The following THSD7A variants were observed in gnomAD, a reference collection of about 807,000 sequenced individuals.
The protein encoded by THSD7A is thrombospondin type-1 domain-containing protein 7A.
THSD7A carries 96 observed loss-of-function variants against 231.3 expected under a neutral mutation model. That is an observed-to-expected ratio of 0.41 (90% CI 0.35 to 0.49). The LOEUF (loss-of-function observed/expected upper bound fraction) is 0.49, where lower values mean the gene tolerates loss of function less well. THSD7A is among the 20% of genes least tolerant of loss of function. THSD7A has a pLI of 0.05. For synonymous variants in THSD7A, 940 were observed against 743.3 expected (o/e 1.26, Z -4.30); for missense variants, 2,290 against 2,070.2 (o/e 1.11, Z -2.06).
At chr7:11,652,212 A>C (rs1390089075) in intron 1 of THSD7A, among the ~76,000 whole-genome samples, 3 of 151,902 alleles carry the variant, frequency 2.0e-5, no homozygotes, top group African/African-American at 7.2e-5. Flanking sequence ...CTTTATCCTA[A>C]AGTTGTACAG....
chr7:11,533,942 T>C (rs548953299), intron 6 of THSD7A, among the ~76,000 whole-genome samples: 9 of 152,218 alleles, frequency 5.9e-5, no homozygotes, highest in Non-Finnish European at 1.3e-4. Flanking sequence ...CCTGTTTTTC[T>C]CATTTTTGAA....
intron 23 of THSD7A, among the ~76,000 whole-genome samples, chr7:11,397,957 G>A (rs2115348189): frequency 6.6e-6 from 1 of 152,300 alleles, no homozygotes; most frequent in East Asian, 1.9e-4. Context: ...TGGTGGGACT[G>A]TAAATTAGTT....
chr7:11,445,840 C>G (rs1423132411), intron 13 of THSD7A, among the ~76,000 whole-genome samples: 1 of 151,956 alleles, frequency 6.6e-6, no homozygotes, highest in Non-Finnish European at 1.5e-5. Flanking sequence ...ATCAGGCTTC[C>G]TGTCATTATC....
At chr7:11,828,800 T>C (rs1229090368) in intron 1 of THSD7A, among the ~76,000 whole-genome samples, 1 of 152,158 alleles carries the variant, frequency 6.6e-6, no homozygotes, top group Non-Finnish European at 1.5e-5. Context: ...ATATTATATG[T>C]ATACACACAT....
At chr7:11,602,260 A>C (rs1780577826) in intron 2 of THSD7A, among the ~76,000 whole-genome samples, 1 of 152,124 alleles carries the variant, frequency 6.6e-6, no homozygotes, top group South Asian at 2.1e-4. Context: ...ATGATTATAT[A>C]GTTTACATAT....
intron 1 of THSD7A, among the ~76,000 whole-genome samples, chr7:11,762,102 T>G (rs1782882266): frequency 2.0e-5 from 3 of 152,184 alleles, no homozygotes; most frequent in Admixed American, 2.0e-4. Context: ...TATCGCTGCA[T>G]AGTATTCCAT....
intron 1 of THSD7A, among the ~76,000 whole-genome samples, chr7:11,668,642 A>G (rs993016058): frequency 8.5e-5 from 13 of 152,218 alleles, no homozygotes; most frequent in Non-Finnish European, 1.5e-4. Flanking sequence ...GTGAACATGT[A>G]TAAGACACAA....
intron 6 of THSD7A, among the ~76,000 whole-genome samples, chr7:11,534,013 A>G (rs1788813948): frequency 6.6e-6 from 1 of 152,168 alleles, no homozygotes; most frequent in Admixed American, 6.5e-5. Flanking sequence ...GAAGGGAATT[A>G]GTGGAAGATA....
intron 6 of THSD7A, among the ~76,000 whole-genome samples, chr7:11,533,547 G>A (rs1788791892): frequency 6.6e-6 from 1 of 152,114 alleles, no homozygotes; most frequent in Non-Finnish European, 1.5e-5. Context: ...ATACACCATG[G>A]GATACTGCAG....
At chr7:11,786,759 T>TAAAAAAAAAA (rs58923353) in intron 1 of THSD7A, among the ~76,000 whole-genome samples, 2 of 108,650 alleles carry the variant, frequency 1.8e-5, no homozygotes, top group Non-Finnish European at 4.0e-5. Flanking sequence ...AGTATAATAA[T>TAAAAAAAAAA]AAAAAAAAAA....
rs1274004170 is a variant in THSD7A at position 11,831,732 on chromosome 7, GAA to G, written c.190+23_190+24del. 7.2e-7 allele frequency: 1 copy of G among 1,388,270 alleles called. No homozygotes were observed. The highest frequency in any genetic ancestry group is 1.5e-5 in the African/African-American group (1 of 67,088). The allele number at this position is 1,388,270 out of a possible 1,614,324, so 86.0% of individuals were successfully genotyped here. A position where few individuals can be genotyped will look rare whatever the true frequency, so the allele number is the denominator to read the frequency against. On this transcript the variant is annotated intron_variant, in intron 1 of 27. Coordinates refer to ENST00000423059, the MANE Select transcript of THSD7A (RefSeq NM_015204.3). The surrounding 1 kb of genome is among the most constrained non-coding windows in gnomAD (Gnocchi z 5.0). ...ATGTGGCCCCAGATGTGAAGATGGG[GAA>G]AGGGTAACTCCGTCCCACTTACCAG...
intron 1 of THSD7A, among the ~76,000 whole-genome samples, chr7:11,779,459 C>T (rs1476146801): frequency 6.6e-6 from 1 of 152,124 alleles, no homozygotes; most frequent in Non-Finnish European, 1.5e-5. Context: ...TCTGACATAT[C>T]AAGGTCATAG....
At chr7:11,552,896 C>T (rs1169604669) in intron 4 of THSD7A, among the ~76,000 whole-genome samples, 1 of 152,064 alleles carries the variant, frequency 6.6e-6, no homozygotes, top group Non-Finnish European at 1.5e-5. Context: ...AAATCAGACA[C>T]CGCCTCCTCA....
Position 11,382,528 on chromosome 7 carries a change from A to T in THSD7A, c.4500T>A (p.Asn1500Lys). The change falls in exon 24 of 28, where the codon AAT becomes AAA. Residue 1500 changes from asparagine (N) to lysine (K), a missense_variant. Asn to Lys is a moderately conservative substitution (Grantham distance 94). Coordinates refer to ENST00000423059, the MANE Select transcript of THSD7A (RefSeq NM_015204.3). ...TVWCQRSDGI[N>K]VTGGCLVMSQ... ...GAGAAACTGGAGGTTTACCTGTTAC[A>T]TTTATACCATCTGACCTTTGACACC... The T allele has an allele frequency of 6.2e-7, 1 of 1,612,032 alleles. No individual in the cohort carries two copies.
intron 1 of THSD7A, among the ~76,000 whole-genome samples, chr7:11,710,946 G>C (rs1046454658): frequency 4.0e-5 from 6 of 150,770 alleles, no homozygotes; most frequent in African/African-American, 1.5e-4. Context: ...GGTCTGAAGA[G>C]AGCCAACAAA....
At chr7:11,482,264 C>T (rs552810683) in intron 6 of THSD7A, among the ~76,000 whole-genome samples, 2 of 152,270 alleles carry the variant, frequency 1.3e-5, no homozygotes, top group South Asian at 4.1e-4. Flanking sequence ...CAGACACCTG[C>T]CCATTAAGTA....
In THSD7A at chr7:11,466,100, T is replaced by C. The variant is rs188055137; in HGVS notation, c.2368+3779A>G. 5.3e-3 allele frequency among the ~76,000 whole-genome samples: 804 copies of C among 152,284 alleles called. 4 individuals carry two copies. The highest frequency in any genetic ancestry group is 7.5e-3 in the Admixed American group (114 of 15,278). The stretch of plus-strand genomic sequence containing the variant: ...TACTATTCTGTTTTATTTTGTGCAA[T>C]AGTATTGTGTATTTGACTTCCTTAA... On this transcript the variant is annotated intron_variant, in intron 9 of 27. Transcript: ENST00000423059.
chr7:11,750,737 G>C (rs1000511795), intron 1 of THSD7A, among the ~76,000 whole-genome samples: 1 of 151,964 alleles, frequency 6.6e-6, no homozygotes, highest in African/African-American at 2.4e-5. Context: ...CTTCATTAGA[G>C]ACCTCAGTAA....
chr7:11,506,047 T>C (rs182954156), intron 6 of THSD7A, among the ~76,000 whole-genome samples: 1 of 152,236 alleles, frequency 6.6e-6, no homozygotes, highest in East Asian at 1.9e-4. Flanking sequence ...GGTGGCACAG[T>C]CCCTGAAGCA....
Sources: allele counts gnomAD v4.1 joint callset (sites outside exome capture counted in the v4.1 genomes callset), GRCh38; gene constraint gnomAD v4.1.1; non-coding constraint Gnocchi (gnomAD v3.1); transcripts MANE v1.5; gene names NCBI Gene and HGNC (gene_info 2026-07-23, HGNC 2026-07-21).